Variants in STRN observed in about 807,000 individuals in gnomAD.
STRN encodes striatin.
STRN carries 53 observed loss-of-function variants against 96.3 expected under a neutral mutation model. That is an observed-to-expected ratio of 0.55 (90% confidence interval 0.44 to 0.69). STRN has a LOEUF of 0.69. Ranked by LOEUF, STRN falls within the 30% of genes least tolerant of loss-of-function variation. STRN has a pLI of 0.00. For missense variants in STRN, 987 were observed against 963.9 expected, an observed-to-expected ratio of 1.02 and a Z score of -0.32; for synonymous variants, 428 against 355.9, an observed-to-expected ratio of 1.20 and a Z score of -2.28.
Position 36,893,964 on chromosome 2 carries a change from C to G in STRN, c.865G>C (p.Asp289His). ...RDTKEALKEF[D>H]FLVTSEEGDN... ...CCTTCCTCTGATGTAACCAAGAAGT[C>G]AAACTCCTTTAGAGCTTCTTTTGTA... Residue 289 changes from aspartate to histidine, a missense_variant, in exon 7 of 18, where the codon GAC (aspartate) becomes CAC (histidine). Physicochemically the swap from Asp to His is moderately conservative, Grantham distance 81. Transcript: ENST00000263918. The G allele has an allele frequency of 1.2e-6, 2 of 1,613,646 alleles. No individual in the cohort carries two copies. Among genetic ancestry groups the G allele is most frequent in the Non-Finnish European group, 1.7e-6 (2 of 1,179,820 alleles).
At chr2:36,867,338 T>C (rs910818500) in intron 12 of STRN, 1 of 151,780 alleles carries the variant, frequency 6.6e-6, no homozygotes, top group Admixed American at 6.6e-5. Flanking sequence ...ATCATGCCAC[T>C]GCATCCAGAC....
intron 1 of STRN, among the ~76,000 whole-genome samples, chr2:36,956,598 G>C (rs1296365988): frequency 6.6e-6 from 1 of 152,204 alleles, no homozygotes; most frequent in Non-Finnish European, 1.5e-5. Flanking sequence ...GGTGGGCAAA[G>C]GGGACTCTAT....
chr2:36,875,121 A>G (rs10166375), intron 10 of STRN, among the ~76,000 whole-genome samples: 5,411 of 152,230 alleles, frequency 0.036, 181 homozygotes, highest in African/African-American at 0.091. Flanking sequence ...AAATTTTGAT[A>G]AAGATGTATG....
At chr2:36,951,103 T>C (rs1309089873) in intron 1 of STRN, among the ~76,000 whole-genome samples, 1 of 152,166 alleles carries the variant, frequency 6.6e-6, no homozygotes, top group Non-Finnish European at 1.5e-5. Flanking sequence ...ATAAGACACT[T>C]GTAAAAAACT....
intron 2 of STRN, 83 bp from the exon 3 acceptor site, chr2:36,916,234 G>T: frequency 8.3e-7 from 1 of 1,199,424 alleles, no homozygotes. Context: ...CAAGAATTCA[G>T]TAGTCCTGGC....
Position 36,952,055 on chromosome 2 carries a change from G to GCACACA in STRN, c.234+14169_234+14174dup, listed in dbSNP as rs142923138. On this transcript the variant is annotated intron_variant, in intron 1 of 17. Transcript: ENST00000263918. ...TTTCGTCCCGAAAATACACACGCAC[G>GCACACA]CACACACACACACAATTGTGGCTTA... Among the ~76,000 whole-genome samples the GCACACA allele has an allele frequency of 6.6e-3, 995 of 151,500 alleles. 8 individuals are homozygous for GCACACA. The highest frequency in any genetic ancestry group is 0.022 in the African/African-American group (896 of 41,378).
chr2:36,861,405 A>G, intron 12 of STRN, 152 bp from the exon 13 acceptor site: 1 of 1,068,758 alleles, frequency 9.4e-7, no homozygotes, highest in Non-Finnish European at 1.3e-6. Flanking sequence ...AGCACTGTTC[A>G]TTTTTCTTCC....
intron 1 of STRN, among the ~76,000 whole-genome samples, chr2:36,933,194 A>C (rs571359375): frequency 6.6e-6 from 1 of 152,344 alleles, no homozygotes; most frequent in Admixed American, 6.5e-5. Flanking sequence ...TTAAAAATAC[A>C]GTATAACAAC....
intron 1 of STRN, among the ~76,000 whole-genome samples, chr2:36,944,339 T>C (rs986933029): frequency 2.0e-5 from 3 of 152,174 alleles, no homozygotes; most frequent in Non-Finnish European, 4.4e-5. Flanking sequence ...TCCTCATAGG[T>C]AGAAGGAAAT....
chr2:36,937,342 C>CA (rs59891421), intron 1 of STRN, among the ~76,000 whole-genome samples: 18 of 107,656 alleles, frequency 1.7e-4, no homozygotes, highest in African/African-American at 4.1e-4. Flanking sequence ...GAGACTGTCT[C>CA]AAAAAAAAAA....
intron 1 of STRN, among the ~76,000 whole-genome samples, chr2:36,947,735 C>A (rs1664620470): frequency 6.6e-6 from 1 of 151,804 alleles, no homozygotes; most frequent in East Asian, 1.9e-4. Context: ...ATTAAAGTTA[C>A]TTTTCTGAGC....
At chr2:36,859,598 A>T (rs1217444822) in intron 13 of STRN, among the ~76,000 whole-genome samples, 1 of 152,232 alleles carries the variant, frequency 6.6e-6, no homozygotes, top group Non-Finnish European at 1.5e-5. Context: ...TGTATGAGTC[A>T]ACTATATGTA....
rs1464301657 is a variant in STRN, at chr2:36,966,401, G to A, written c.63C>T (p.Ala21=). ...CCTCCGCCAGAGGCCCGAGCCCCTT[G>A]GCACCGCCGGCGCCCGGGTGGTTGT... ...FSNNHPGAGG[A]KGLGPLAEAA... Residue 21 remains alanine (A), a synonymous_variant, in exon 1 of 18, where the codon GCC becomes GCT. Transcript: ENST00000263918. The A allele has an allele frequency of 6.9e-7, 1 of 1,458,678 alleles. No individual in the cohort carries two copies. Among genetic ancestry groups the A allele is most frequent in the Non-Finnish European group, 9.0e-7 (1 of 1,106,602 alleles). The allele number at this position is 1,458,678 out of a possible 1,614,324, so 90.4% of individuals were successfully genotyped here.
intron 1 of STRN, among the ~76,000 whole-genome samples, chr2:36,925,447 C>T (rs1415011409): frequency 6.6e-6 from 1 of 152,144 alleles, no homozygotes; most frequent in South Asian, 2.1e-4. Flanking sequence ...GATTTTACAA[C>T]ACATAGTCCA....
chr2:36,878,118 C>T (rs549376488), intron 9 of STRN, 91 bp from the exon 10 acceptor site: 149 of 1,354,094 alleles, frequency 1.1e-4, no homozygotes, highest in Non-Finnish European at 1.3e-4. Flanking sequence ...TATAAGTGCA[C>T]GTATATACTT....
intron 2 of STRN, among the ~76,000 whole-genome samples, chr2:36,920,119 AT>A (rs1670212409): frequency 1.3e-5 from 2 of 152,224 alleles, no homozygotes; most frequent in Admixed American, 1.3e-4. Context: ...ATTAAAATAG[AT>A]CAAGGTGAAA....
rs1668130910 is a variant in STRN, at chr2:36,848,285, T to A, written c.*1171A>T. The A allele has an allele frequency of 6.6e-6, 1 of 152,220 alleles. No homozygotes were observed. The allele number at this position is 152,220 out of a possible 1,614,324, so 9.4% of individuals were successfully genotyped here. A position where few individuals can be genotyped will look rare whatever the true frequency, so the allele number is the denominator to read the frequency against. On this transcript the variant is annotated 3_prime_UTR_variant, in exon 18 of 18. Transcript: ENST00000263918. Reference sequence around the variant, plus strand: ...CAATATTTGGCATTAAACTCTTTCATCCAGGTTTCCAGGAGATTCTTACAG... The same window carrying A: ...CAATATTTGGCATTAAACTCTTTCAACCAGGTTTCCAGGAGATTCTTACAG...
At position 36,851,036 on chromosome 2, in the gene STRN, C is replaced by T. The variant is rs763412654; in HGVS notation, c.2050G>A (p.Glu684Lys). The change falls in exon 16 of 18, where the codon GAA becomes AAA. Residue 684 changes from glutamate (E) to lysine (K), a missense_variant. Transcript: ENST00000263918. Reference sequence around the variant, plus strand: ...TCATAGAATTTGATGTGCCTGTCTTCATGAGCAGTGATGCTGATCGGAAGA... The same window carrying T: ...TCATAGAATTTGATGTGCCTGTCTTTATGAGCAGTGATGCTGATCGGAAGA... ...PTLPISITAH[E>K]DRHIKFYDNN... The T allele has an allele frequency of 1.2e-6, 2 of 1,612,512 alleles. No individual in the cohort carries two copies. Among genetic ancestry groups the T allele is most frequent in the African/African-American group, 2.7e-5 (2 of 74,646 alleles).
intron 3 of STRN, among the ~76,000 whole-genome samples, chr2:36,907,274 GCA>G (rs1464971727): frequency 4.6e-5 from 7 of 152,194 alleles, no homozygotes; most frequent in South Asian, 2.1e-4. Context: ...TACGGGACAG[GCA>G]CAGTGGCTCA....
Sources: allele counts gnomAD v4.1 joint callset (sites outside exome capture counted in the v4.1 genomes callset), GRCh38; gene constraint gnomAD v4.1.1; transcripts MANE v1.5; gene names NCBI Gene and HGNC (gene_info 2026-07-23, HGNC 2026-07-21).